Variants in PASD1 observed in about 807,000 individuals in gnomAD.
PASD1 encodes circadian clock protein PASD1.
Under a neutral mutation model 58.8 loss-of-function variants are expected in PASD1, and 13 were observed. That is an observed-to-expected ratio of 0.22 (90% confidence interval 0.14 to 0.35). The LOEUF is 0.35. PASD1 is among the 10% of genes least tolerant of loss of function. The pLI is 1.00. For synonymous variants in PASD1, 236 were observed against 216.7 expected (o/e 1.09, Z -0.78); for missense variants, 734 against 568.3 (o/e 1.29, Z -2.96).
At chrX:151,623,751 T>C (rs1056327213) in intron 7 of PASD1, among the ~76,000 whole-genome samples, 1 of 111,082 alleles carries the variant, frequency 9.0e-6, no homozygotes, top group African/African-American at 3.3e-5. Flanking sequence ...CCTTTTCGGA[T>C]AATTTGTCTT....
intron 8 of PASD1, among the ~76,000 whole-genome samples, chrX:151,641,375 T>G (rs2013994178): frequency 8.9e-6 from 1 of 111,737 alleles, no homozygotes; most frequent in Non-Finnish European, 1.9e-5. Flanking sequence ...ATAAAAGTAA[T>G]TACCTGCCAG....
chrX:151,673,034 T>C (rs1238385744), intron 14 of PASD1: 1 of 149,625 alleles, frequency 6.7e-6, no homozygotes, highest in African/African-American at 3.1e-5. Context: ...CTTCTGGGCT[T>C]CCAGTTTCAT....
At chrX:151,603,827 A>G (rs1270573349) in intron 2 of PASD1, among the ~76,000 whole-genome samples, 2 of 112,181 alleles carry the variant, frequency 1.8e-5, no homozygotes, top group Non-Finnish European at 3.8e-5. Flanking sequence ...CTGTCAAGAA[A>G]GCAATAGCCA....
chrX:151,658,455 C>T (rs1289070023), intron 9 of PASD1, among the ~76,000 whole-genome samples: 1 of 112,130 alleles, frequency 8.9e-6, no homozygotes, highest in Non-Finnish European at 1.9e-5. Flanking sequence ...TCTTAATTAA[C>T]ATTTGAGAAT....
intron 1 of PASD1, among the ~76,000 whole-genome samples, chrX:151,564,185 C>T (rs902026339): frequency 1.8e-5 from 2 of 113,002 alleles, no homozygotes; most frequent in African/African-American, 3.2e-5. Flanking sequence ...GGAAAGCTTG[C>T]GGTGTCGCGA....
rs760738047 is a variant in PASD1, at chrX:151,671,198, T to A, written c.1230+2T>A. The A allele has an allele frequency of 8.3e-7, 1 of 1,209,914 alleles. No individual in the cohort carries two copies. Among genetic ancestry groups the A allele is most frequent in the Non-Finnish European group, 1.1e-6 (1 of 894,701 alleles). ...GAATTGATGATGGATCACCTTCAGG[T>A]CAGTCAGGATGCTAGGTTTCAGGTC... On this transcript the variant is annotated splice_donor_variant, in intron 12 of 15. Coordinates refer to ENST00000370357, the MANE Select transcript of PASD1 (RefSeq NM_173493.3). LOFTEE classifies it high-confidence loss of function.
intron 8 of PASD1, among the ~76,000 whole-genome samples, chrX:151,634,267 C>T (rs1206148966): frequency 1.8e-5 from 2 of 111,053 alleles, no homozygotes; most frequent in Non-Finnish European, 1.9e-5. Flanking sequence ...TTCCCTCTCT[C>T]TTCTCTCTCT....
At chrX:151,593,556 C>G (rs1263970200) in intron 1 of PASD1, among the ~76,000 whole-genome samples, 7 of 110,527 alleles carry the variant, frequency 6.3e-5, no homozygotes, top group Non-Finnish European at 1.1e-4. Flanking sequence ...CTTCCATGTC[C>G]CCGCAAAGGA....
chrX:151,631,664 G>A (rs1376448671), intron 8 of PASD1, among the ~76,000 whole-genome samples: 1 of 111,305 alleles, frequency 9.0e-6, no homozygotes, highest in Non-Finnish European at 1.9e-5. Context: ...TCCCTGGGGA[G>A]ACTCCATCTG....
At chrX:151,667,898 T>C (rs1040916865) in intron 11 of PASD1, among the ~76,000 whole-genome samples, 4 of 111,690 alleles carry the variant, frequency 3.6e-5, no homozygotes, top group Non-Finnish European at 5.6e-5. Context: ...TTTAAAGTAG[T>C]TTTTTCCGAT....
intron 11 of PASD1, among the ~76,000 whole-genome samples, chrX:151,668,902 C>CAA (rs5904326): frequency 4.3e-4 from 37 of 86,456 alleles, no homozygotes; most frequent in African/African-American, 8.1e-4. Flanking sequence ...AGAGACACAA[C>CAA]AAAAAAAAAA....
intron 8 of PASD1, among the ~76,000 whole-genome samples, chrX:151,627,283 G>C (rs914341841): frequency 9.1e-6 from 1 of 109,758 alleles, no homozygotes; most frequent in Admixed American, 9.8e-5. Flanking sequence ...TATACATGTG[G>C]CATGTTGGTG....
Position 151,623,725 on chromosome X carries a change from A to G in PASD1, c.546+661A>G, listed in dbSNP as rs1295060042. Among the ~76,000 whole-genome samples, 7 of 111,388 alleles carry G rather than the reference A, an allele frequency of 6.3e-5. No individual in the cohort carries two copies. The East Asian group carries it at 2.0e-3, about 32-fold the overall frequency. ...TAGTGCGGGTGGGGAGTTCAGACAG[A>G]GTGGTCAGGGAAGGTCCTTTTCGGA... On this transcript the variant is annotated intron_variant, in intron 7 of 15. Transcript: ENST00000370357.
In PASD1 at chrX:151,631,701, C is replaced by T. The variant is rs778908281; in HGVS notation, c.629+6171C>T. ...CAGCAACTCCACCAGAAAGAATGTTCCTGCCTAATTCCTCTTTCAGTGAAG... is the reference window on the plus strand; with the variant it reads ...CAGCAACTCCACCAGAAAGAATGTTTCTGCCTAATTCCTCTTTCAGTGAAG... On this transcript the variant is annotated intron_variant, in intron 8 of 15. Transcript: ENST00000370357. Among the ~76,000 whole-genome samples the T allele has an allele frequency of 7.2e-5, 8 of 111,541 alleles. No individual in the cohort carries two copies. In the South Asian group the frequency reaches 3.0e-3, roughly 42 times the overall value.
At position 151,672,167 on chromosome X, in the gene PASD1, T is replaced by C. The variant is rs1432865117; in HGVS notation, c.1438-16T>C. On this transcript the variant is annotated splice_polypyrimidine_tract_variant and intron_variant, in intron 13 of 15. Coordinates refer to ENST00000370357, the MANE Select transcript of PASD1 (RefSeq NM_173493.3). ...GCAGACACCAGGGTGCTTTTATCTG[T>C]TGCCTTTCGATGCAGCAGCAACTGG... 5.3e-6 allele frequency: 6 copies of C among 1,139,256 alleles called. No individual in the cohort carries two copies. Among genetic ancestry groups the C allele is most frequent in the Non-Finnish European group, 6.9e-6 (6 of 863,943 alleles). The allele number at this position is 1,139,256 out of a possible 1,213,427, so 93.9% of individuals were successfully genotyped here.
chrX:151,623,122 G>A (rs2013739868), intron 7 of PASD1, 58 bp downstream of exon 7: 3 of 1,166,231 alleles, frequency 2.6e-6, no homozygotes, highest in South Asian at 3.9e-5. Flanking sequence ...CCTTTGAAGG[G>A]TCACTTCCCC....
At chrX:151,573,367 C>T (rs2012955267) in intron 1 of PASD1, among the ~76,000 whole-genome samples, 1 of 112,420 alleles carries the variant, frequency 8.9e-6, no homozygotes, top group African/African-American at 3.2e-5. Flanking sequence ...TCTGTTCCTG[C>T]ATCTCATGAT....
At chrX:151,626,735 T>C (rs2013793486) in intron 8 of PASD1, among the ~76,000 whole-genome samples, 1 of 112,086 alleles carries the variant, frequency 8.9e-6, no homozygotes, top group South Asian at 3.7e-4. Flanking sequence ...TTTCTTGGGA[T>C]CAAAGGCATG....
At chrX:151,611,421 G>T (rs745391326) in intron 3 of PASD1, among the ~76,000 whole-genome samples, 9 of 112,041 alleles carry the variant, frequency 8.0e-5, no homozygotes, top group African/African-American at 2.9e-4. Flanking sequence ...TGTTAATTGG[G>T]TGTACATTGA....
Sources: gnomAD v4.1 joint callset for allele counts (sites outside exome capture counted in the v4.1 genomes callset) on GRCh38, gnomAD v4.1.1 for gene constraint, MANE v1.5 for transcripts, NCBI Gene and HGNC (gene_info 2026-07-23, HGNC 2026-07-21) for gene names.